Variants in PTPN14 observed in about 807,000 individuals in gnomAD.
PTPN14 encodes tyrosine-protein phosphatase non-receptor type 14.
Under a neutral mutation model 126.8 loss-of-function variants are expected in PTPN14, and 53 were observed. The observed-to-expected ratio is 0.42, with a 90% CI of 0.34 to 0.53. PTPN14 has a LOEUF of 0.53. Among genes scored for constraint, PTPN14 ranks in the 20% least tolerant of loss-of-function variants. PTPN14 has a pLI of 0.08. For synonymous variants in PTPN14, 630 were observed against 599.3 expected, an observed-to-expected ratio of 1.05 and a Z score of -0.75; for missense variants, 1,257 against 1,552.9, an observed-to-expected ratio of 0.81 and a Z score of 3.20.
At position 214,536,322 on chromosome 1, in the gene PTPN14, T is replaced by C. The variant is rs549659241; in HGVS notation, c.-155+14861A>G. Among the ~76,000 whole-genome samples the C allele has an allele frequency of 4.0e-5, 6 of 151,586 alleles. No individual in the cohort carries two copies. In the South Asian group the frequency reaches 1.3e-3, roughly 32 times the overall value. ...ACTTAGGAGGCTGAGGTGGAAGGAT[T>C]GCTTGAGCCCAGGAATTCAAGGTTG... On this transcript the variant is annotated intron_variant, in intron 1 of 18. Coordinates refer to ENST00000366956, the MANE Select transcript of PTPN14 (RefSeq NM_005401.5).
At position 214,384,073 on chromosome 1, in the gene PTPN14, G is replaced by A. The variant is rs755758775; in HGVS notation, c.1782C>T (p.Ser594=). The A allele has an allele frequency of 1.3e-6, 2 of 1,576,562 alleles. No homozygotes were observed. The highest frequency in any genetic ancestry group is 2.2e-5 in the East Asian group (1 of 44,532). The change falls in exon 13 of 19, where the codon AGC becomes AGT. Residue 594 remains serine (S), a synonymous_variant. Coordinates refer to ENST00000366956, the MANE Select transcript of PTPN14 (RefSeq NM_005401.5). This position sits in a 1 kb window ranked among gnomAD's most constrained non-coding sequence, Gnocchi z 5.3. The stretch of plus-strand genomic sequence containing the variant: ...GCACCTTCCGGGTCACCAGGTCCGG[G>A]CTGCTGCCGCTGACGTACTTGTGGC... ...SHRHKYVSGS[S]PDLVTRKVQL...
intron 7 of PTPN14, among the ~76,000 whole-genome samples, chr1:214,398,613 A>ATT (rs56339386): frequency 0.13 from 13,584 of 108,444 alleles, 1,241 homozygotes; most frequent in East Asian, 0.23. Flanking sequence ...TGCCCTGCTA[A>ATT]TTTTTTTTTT....
intron 5 of PTPN14, among the ~76,000 whole-genome samples, chr1:214,409,538 A>G (rs1372977653): frequency 1.3e-5 from 2 of 152,212 alleles, no homozygotes; most frequent in Non-Finnish European, 2.9e-5. Flanking sequence ...GGGAGTGTAG[A>G]CATCTCTTTG....
At position 214,364,388 on chromosome 1, in the gene PTPN14, G is replaced by T. The variant is rs915941804; in HGVS notation, c.3435+124C>A. ...AGTCAAACTAGGAACCAGGAGCCTGGAAAACTCTGGTTGGGAGACAGGAAA... is the reference window on the plus strand; with the variant it reads ...AGTCAAACTAGGAACCAGGAGCCTGTAAAACTCTGGTTGGGAGACAGGAAA... On this transcript the variant is annotated intron_variant, in intron 18 of 18. Coordinates refer to ENST00000366956, the MANE Select transcript of PTPN14 (RefSeq NM_005401.5). The surrounding 1 kb of genome is among the most constrained non-coding windows in gnomAD (Gnocchi z 4.1). 7.7e-7 allele frequency: 1 copy of T among 1,292,182 alleles called. No homozygotes were observed. Among genetic ancestry groups the T allele is most frequent in the Admixed American group, 2.3e-5 (1 of 42,644 alleles). 80.0% of individuals were successfully genotyped at this position (1,292,182 alleles called of 1,614,324 possible). A position where few individuals can be genotyped will look rare whatever the true frequency, so the allele number is the denominator to read the frequency against.
In PTPN14 at chr1:214,354,088, T is replaced by C. The variant is rs553186762; in HGVS notation, c.*3834A>G. 1 of 152,316 alleles carries C rather than the reference T, an allele frequency of 6.6e-6. No individual in the cohort carries two copies. The highest frequency in any genetic ancestry group is 1.9e-4 in the East Asian group (1 of 5,184). The allele number at this position is 152,316 out of a possible 1,614,324, so 9.4% of individuals were successfully genotyped here. A position where few individuals can be genotyped will look rare whatever the true frequency, so the allele number is the denominator to read the frequency against. On this transcript the variant is annotated 3_prime_UTR_variant, in exon 19 of 19. Coordinates refer to ENST00000366956, the MANE Select transcript of PTPN14 (RefSeq NM_005401.5). Reference sequence around the variant, plus strand: ...ATAAAGGTTAAGTAGGTGTAAGCCATGGTCAAGTCCTACAAGGCCCACCCT... The same window carrying C: ...ATAAAGGTTAAGTAGGTGTAAGCCACGGTCAAGTCCTACAAGGCCCACCCT...
chr1:214,532,418 C>T (rs779378522), intron 1 of PTPN14: 147 of 729,362 alleles, frequency 2.0e-4, no homozygotes, highest in Non-Finnish European at 1.8e-4. Flanking sequence ...GCATCCAGAA[C>T]GAGAAGGAGA....
chr1:214,372,298 G>A (rs771861538), intron 16 of PTPN14: 2 of 126,870 alleles, frequency 1.6e-5, no homozygotes, highest in Non-Finnish European at 3.0e-5. Flanking sequence ...GTGGAGCTGG[G>A]TGCCTGGAGT....
At chr1:214,500,908 G>A (rs954131673) in intron 1 of PTPN14, among the ~76,000 whole-genome samples, 19 of 152,110 alleles carry the variant, frequency 1.2e-4, no homozygotes, top group South Asian at 4.1e-4. Context: ...AGCATTAGAG[G>A]AAAGGTTTAA....
chr1:214,389,441 C>G (rs779779853), intron 11 of PTPN14, among the ~76,000 whole-genome samples: 1 of 152,050 alleles, frequency 6.6e-6, no homozygotes, highest in African/African-American at 2.4e-5. Context: ...ACAAACTTGA[C>G]GCCAAAATAT....
At chr1:214,360,795 T>A (rs1407132300) in intron 18 of PTPN14, among the ~76,000 whole-genome samples, 1 of 152,204 alleles carries the variant, frequency 6.6e-6, no homozygotes, top group African/African-American at 2.4e-5. Context: ...AGGATACTGA[T>A]ATGGTCTTGG....
intron 1 of PTPN14, chr1:214,531,893 C>A (rs564194886): frequency 6.6e-6 from 1 of 152,304 alleles, no homozygotes; most frequent in South Asian, 2.1e-4. Flanking sequence ...ATTCTGAAAA[C>A]CATGGAATTA....
At chr1:214,413,231 G>A (rs1224089846) in intron 4 of PTPN14, among the ~76,000 whole-genome samples, 1 of 152,098 alleles carries the variant, frequency 6.6e-6, no homozygotes, top group Non-Finnish European at 1.5e-5. Flanking sequence ...GGGACATATT[G>A]ATCTTCTCCA....
At chr1:214,394,860 T>G in intron 9 of PTPN14, 39 bp downstream of exon 9, 1 of 1,542,972 alleles carries the variant, frequency 6.5e-7, no homozygotes. Context: ...CAAAAGCCAG[T>G]GTCTTGTCAG....
At chr1:214,490,689 T>C (rs1202055510) in intron 1 of PTPN14, among the ~76,000 whole-genome samples, 2 of 150,944 alleles carry the variant, frequency 1.3e-5, no homozygotes, top group Non-Finnish European at 2.9e-5. Flanking sequence ...ATACAAAAGT[T>C]AGCCAGGCGT....
chr1:214,402,763 G>T, intron 6 of PTPN14, 120 bp downstream of exon 6: 1 of 1,095,030 alleles, frequency 9.1e-7, no homozygotes, highest in Non-Finnish European at 1.4e-6. Flanking sequence ...TCACGTGGTG[G>T]AATAAATACA....
chr1:214,481,494 AGC>A (rs774317876), intron 1 of PTPN14, among the ~76,000 whole-genome samples: 1 of 115,572 alleles, frequency 8.7e-6, no homozygotes, highest in Non-Finnish European at 1.8e-5. Context: ...CTGGGAAACA[AGC>A]GCGAAACTCC....
At chr1:214,475,682 G>A (rs1229084990) in intron 1 of PTPN14, among the ~76,000 whole-genome samples, 1 of 151,498 alleles carries the variant, frequency 6.6e-6, no homozygotes, top group Non-Finnish European at 1.5e-5. Context: ...AATCAGCACC[G>A]CCATTTGTGA....
intron 2 of PTPN14, among the ~76,000 whole-genome samples, chr1:214,455,165 T>G (rs536170106): frequency 6.6e-6 from 1 of 152,342 alleles, no homozygotes; most frequent in South Asian, 2.1e-4. Flanking sequence ...TCAACTAGCA[T>G]GTGCACCAAT....
chr1:214,512,019 G>C (rs564232631), intron 1 of PTPN14, among the ~76,000 whole-genome samples: 2 of 151,928 alleles, frequency 1.3e-5, no homozygotes, highest in African/African-American at 2.4e-5. Flanking sequence ...TTGCTGACTG[G>C]GGAAAGGCTG....
Sources: allele counts gnomAD v4.1 joint callset (sites outside exome capture counted in the v4.1 genomes callset), GRCh38; gene constraint gnomAD v4.1.1; non-coding constraint Gnocchi (gnomAD v3.1); transcripts MANE v1.5; gene names NCBI Gene and HGNC (gene_info 2026-07-23, HGNC 2026-07-21).